Variants in CREB5 observed in about 807,000 individuals in gnomAD.
CREB5 encodes the protein cyclic AMP-responsive element-binding protein 5.
A neutral mutation model predicts 57.1 loss-of-function variants in CREB5; 19 were observed. The ratio of observed to expected loss-of-function variants is 0.33; its 90% CI spans 0.23 to 0.49. The LOEUF (loss-of-function observed/expected upper bound fraction) is 0.49. Among genes scored for constraint, CREB5 ranks in the 20% least tolerant of loss-of-function variants. The probability of loss-of-function intolerance (pLI) is 0.99; values close to 1 mark genes in which losing one functional copy is unlikely to be tolerated. For missense variants in CREB5, 579 were observed against 671.6 expected, an observed-to-expected ratio of 0.86 and a Z score of 1.52; for synonymous variants, 238 against 238.3, an observed-to-expected ratio of 1.00 and a Z score of 0.01.
At chr7:28,427,483 C>T (rs1033126609) in intron 1 of CREB5, among the ~76,000 whole-genome samples, 1 of 152,148 alleles carries the variant, frequency 6.6e-6, no homozygotes, top group Non-Finnish European at 1.5e-5. Flanking sequence ...CATTAATCTC[C>T]TTTCCCTTAG....
chr7:28,729,230 G>A (rs1803484637), intron 7 of CREB5, among the ~76,000 whole-genome samples: 1 of 152,080 alleles, frequency 6.6e-6, no homozygotes, highest in African/African-American at 2.4e-5. Flanking sequence ...GGACACCGAG[G>A]CCCACTAAAG....
chr7:28,395,318 G>A (rs1787313128), intron 1 of CREB5, among the ~76,000 whole-genome samples: 1 of 152,178 alleles, frequency 6.6e-6, no homozygotes, highest in Admixed American at 6.5e-5. Flanking sequence ...TTCCACACTT[G>A]TTCTGTGATA....
At chr7:28,566,940 CT>C (rs1002319298) in intron 4 of CREB5, among the ~76,000 whole-genome samples, 7 of 152,142 alleles carry the variant, frequency 4.6e-5, no homozygotes, top group African/African-American at 1.7e-4. Flanking sequence ...GATTAGTATT[CT>C]TTTTGGTGAT....
At chr7:28,477,420 C>T (rs2128587216) in intron 1 of CREB5, among the ~76,000 whole-genome samples, 1 of 152,356 alleles carries the variant, frequency 6.6e-6, no homozygotes, top group South Asian at 2.1e-4. Flanking sequence ...ATGATCTACA[C>T]TCCCCTGAGC....
At chr7:28,352,726 A>G (rs1244190406) in intron 1 of CREB5, among the ~76,000 whole-genome samples, 3 of 152,228 alleles carry the variant, frequency 2.0e-5, no homozygotes, top group African/African-American at 7.2e-5. Flanking sequence ...ACTTTTGCAG[A>G]AGACTTTCAC....
intron 4 of CREB5, among the ~76,000 whole-genome samples, chr7:28,534,304 C>T (rs1021003851): frequency 6.6e-6 from 1 of 152,166 alleles, no homozygotes; most frequent in Non-Finnish European, 1.5e-5. Flanking sequence ...GGAGGCCCTG[C>T]CTTCTAGGAA....
At chr7:28,614,466 C>T (rs1304472383) in intron 5 of CREB5, among the ~76,000 whole-genome samples, 1 of 152,116 alleles carries the variant, frequency 6.6e-6, no homozygotes, top group Non-Finnish European at 1.5e-5. Flanking sequence ...ATGCTCTTTC[C>T]AAGGAGACAT....
At chr7:28,760,944 C>T (rs559021968) in intron 7 of CREB5, among the ~76,000 whole-genome samples, 5 of 152,180 alleles carry the variant, frequency 3.3e-5, no homozygotes, top group African/African-American at 1.2e-4. Flanking sequence ...ATAATATTTC[C>T]AAGTAGTAGG....
chr7:28,522,255 G>A (rs903807313), intron 4 of CREB5, among the ~76,000 whole-genome samples: 15 of 152,066 alleles, frequency 9.9e-5, no homozygotes, highest in African/African-American at 2.7e-4. Context: ...CCTGTCTTTC[G>A]TTGTGTGCAT....
At chr7:28,300,172 C>A (rs545906786) in intron 1 of CREB5, among the ~76,000 whole-genome samples, 15 of 152,042 alleles carry the variant, frequency 9.9e-5, no homozygotes, top group African/African-American at 3.6e-4. Flanking sequence ...CCCTCCATTA[C>A]CCGTGCAAGG....
rs139556938 is a variant in CREB5, at chr7:28,674,207, G to A, written c.465-44546G>A. On this transcript the variant is annotated intron_variant, in intron 5 of 10. Coordinates refer to ENST00000357727, the MANE Select transcript of CREB5 (RefSeq NM_182898.4). ...CCCTTTCTTGATGTTTTCAACCATA[G>A]GGGAAAGGGATGGAGCGTTTGCAGG... Among the ~76,000 whole-genome samples, 13 of 152,168 alleles carry A rather than the reference G, an allele frequency of 8.5e-5. 1 individual carries two copies. Among genetic ancestry groups the A allele is most frequent in the African/African-American group, 2.9e-4 (12 of 41,514 alleles).
chr7:28,560,881 T>TGTGTGCGTGC (rs1554344374), intron 4 of CREB5, among the ~76,000 whole-genome samples: 1 of 46,206 alleles, frequency 2.2e-5, no homozygotes, highest in Non-Finnish European at 4.1e-5. Context: ...TGCGCGTGCG[T>TGTGTGCGTGC]GCGTGCGTGT....
At chr7:28,346,449 T>C (rs1786059824) in intron 1 of CREB5, among the ~76,000 whole-genome samples, 1 of 152,170 alleles carries the variant, frequency 6.6e-6, no homozygotes, top group Admixed American at 6.5e-5. Flanking sequence ...CATGACCTAA[T>C]CACTTCCCAA....
intron 7 of CREB5, among the ~76,000 whole-genome samples, chr7:28,786,973 T>C (rs1029878964): frequency 3.9e-5 from 6 of 152,130 alleles, no homozygotes; most frequent in African/African-American, 1.2e-4. Flanking sequence ...GTAAAAACCA[T>C]GTTAGGAAGC....
At chr7:28,549,995 T>A (rs1794563100) in intron 4 of CREB5, among the ~76,000 whole-genome samples, 1 of 152,174 alleles carries the variant, frequency 6.6e-6, no homozygotes, top group East Asian at 1.9e-4. Context: ...TGGCTGCTTT[T>A]CTGAAGAAGC....
At chr7:28,818,219 A>T (rs774733824) in intron 10 of CREB5, 40 bp downstream of exon 10, 1 of 1,445,864 alleles carries the variant, frequency 6.9e-7, no homozygotes, top group South Asian at 1.2e-5. Context: ...AGTGTCCAAT[A>T]TTTTTTGCCA....
chr7:28,373,584 C>A (rs1786759588), intron 1 of CREB5, among the ~76,000 whole-genome samples: 1 of 151,472 alleles, frequency 6.6e-6, no homozygotes, highest in African/African-American at 2.4e-5. Flanking sequence ...CTACCATGCC[C>A]AGCTAATTTT....
At chr7:28,628,596 T>A (rs1046581867) in intron 5 of CREB5, among the ~76,000 whole-genome samples, 1 of 152,018 alleles carries the variant, frequency 6.6e-6, no homozygotes, top group Non-Finnish European at 1.5e-5. Context: ...TCAAGAACAT[T>A]CTACTGTGTG....
rs375288903 is a variant in CREB5, at chr7:28,344,046, A to AT, written c.-25+44619dup. 5.9e-3 allele frequency among the ~76,000 whole-genome samples: 807 copies of AT among 136,532 alleles called. 3 individuals are homozygous for AT. The highest frequency in any genetic ancestry group is 0.012 in the African/African-American group (437 of 37,514). The allele number at this position is 136,532 out of a possible 152,430, so 89.6% of individuals were successfully genotyped here. A position where few individuals can be genotyped will look rare whatever the true frequency, so the allele number is the denominator to read the frequency against. ...AGAATTTTTGTCCATGTTTTAATTGATTTTTTTTTTTTTTGCTATTGAGTT... is the reference window on the plus strand; with the variant it reads ...AGAATTTTTGTCCATGTTTTAATTGATTTTTTTTTTTTTTTGCTATTGAGTT... On this transcript the variant is annotated intron_variant, in intron 1 of 9. Transcript: ENST00000396299.
Sources: allele counts gnomAD v4.1 joint callset (sites outside exome capture counted in the v4.1 genomes callset), GRCh38; gene constraint gnomAD v4.1.1; transcripts MANE v1.5; gene names NCBI Gene and HGNC (gene_info 2026-07-23, HGNC 2026-07-21).